PXYLP1: variants seen among roughly 807,000 people sequenced by gnomAD.
The protein encoded by PXYLP1 is 2-phosphoxylose phosphatase 1, also known as acid phosphatase-like 2.
PXYLP1 carries 17 observed loss-of-function variants against 37.9 expected under a neutral mutation model. The observed-to-expected ratio is 0.45, with a 90% CI of 0.31 to 0.67. The LOEUF (loss-of-function observed/expected upper bound fraction) is 0.67. PXYLP1 is among the 30% of genes least tolerant of loss of function. PXYLP1 has a pLI of 0.07. For synonymous variants in PXYLP1, 221 were observed against 232.2 expected (o/e 0.95, Z 0.44); for missense variants, 511 against 612.0 (o/e 0.84, Z 1.74).
At chr3:141,260,288 G>A (rs768564838) in intron 2 of PXYLP1, 34 bp downstream of exon 2, 1 of 1,606,384 alleles carries the variant, frequency 6.2e-7, no homozygotes, top group Non-Finnish European at 8.5e-7. Context: ...GTCGTGGGAG[G>A]GTAGGGGCTT....
At chr3:141,274,425 T>C in intron 2 of PXYLP1, 1 of 1,463,246 alleles carries the variant, frequency 6.8e-7, no homozygotes, top group Non-Finnish European at 9.0e-7. Context: ...TTTCACGGCC[T>C]CCCCTCTGCT....
chr3:141,266,643 CAG>C (rs745534413), intron 2 of PXYLP1, among the ~76,000 whole-genome samples: 232 of 115,504 alleles, frequency 2.0e-3, no homozygotes, highest in Non-Finnish European at 1.4e-3. Context: ...GAGGGAGAGA[CAG>C]AGGGAGAGAG....
chr3:141,274,438 T>C (rs1941742270), intron 2 of PXYLP1: 1 of 1,481,378 alleles, frequency 6.8e-7, no homozygotes, highest in Non-Finnish European at 8.9e-7. Flanking sequence ...CCTCTGCTCC[T>C]CTCCTCTTCC....
chr3:141,236,015 GGAA>G (rs1940650081), intron 1 of PXYLP1, among the ~76,000 whole-genome samples: 1 of 152,202 alleles, frequency 6.6e-6, no homozygotes, highest in Non-Finnish European at 1.5e-5. Context: ...AAAAAGGCAT[GGAA>G]GAAGAACTGG....
chr3:141,290,222 G>C (rs1942168647), intron 5 of PXYLP1, among the ~76,000 whole-genome samples: 1 of 152,204 alleles, frequency 6.6e-6, no homozygotes, highest in African/African-American at 2.4e-5. Context: ...CCTCCTGCCT[G>C]TCCTAAAGAA....
At chr3:141,253,773 C>T (rs1559883673) in intron 1 of PXYLP1, among the ~76,000 whole-genome samples, 1 of 151,128 alleles carries the variant, frequency 6.6e-6, no homozygotes, top group African/African-American at 2.4e-5. Flanking sequence ...GATCTGTCAC[C>T]CTGCTTCAAC....
At chr3:141,273,957 G>C (rs547618810) in intron 2 of PXYLP1, 1 of 985,456 alleles carries the variant, frequency 1.0e-6, no homozygotes, top group Non-Finnish European at 1.2e-6. Flanking sequence ...AATGAAACTC[G>C]TTATCCTTCC....
rs79610580 is a variant in PXYLP1, at chr3:141,257,758, C to T, written c.-53-2365C>T. ...CTCTACTAAAAGTACAAAAATTAGTCGGGTGTGTGGTGGCAGCCACCTGTA... is the reference window on the plus strand; with the variant it reads ...CTCTACTAAAAGTACAAAAATTAGTTGGGTGTGTGGTGGCAGCCACCTGTA... On this transcript the variant is annotated intron_variant, in intron 1 of 5. Transcript: ENST00000286353. Among the ~76,000 whole-genome samples the T allele has an allele frequency of 7.4e-3, 1,118 of 151,918 alleles. 18 individuals are homozygous for T. Among genetic ancestry groups the T allele is most frequent in the African/African-American group, 0.026 (1,068 of 41,422 alleles).
intron 1 of PXYLP1, among the ~76,000 whole-genome samples, chr3:141,239,031 C>G (rs1361203920): frequency 6.7e-6 from 1 of 149,188 alleles, no homozygotes; most frequent in Non-Finnish European, 1.5e-5. Context: ...AAGGGTAGAC[C>G]TATGTCCTGG....
Position 141,293,016 on chromosome 3 carries a change from C to T in PXYLP1, c.1254C>T (p.Ser418=), listed in dbSNP as rs779520002. The T allele has an allele frequency of 5.6e-6, 9 of 1,614,064 alleles. No homozygotes were observed. The highest frequency in any genetic ancestry group is 3.3e-5 in the Admixed American group (2 of 60,000). ...ACAGAGAAAAGCCCAGTGAACATTC[C>T]GTCCGGATTCTTTACAATGGCGTCG... ...WQDREKPSEH[S]VRILYNGVDV... Residue 418 remains serine (S), a synonymous_variant, in exon 6 of 6, where the codon TCC becomes TCT. Coordinates refer to ENST00000286353, the MANE Select transcript of PXYLP1 (RefSeq NM_001037172.3).
intron 4 of PXYLP1, 93 bp from the exon 5 acceptor site, chr3:141,287,221 G>T (rs1942097106): frequency 7.2e-7 from 1 of 1,396,984 alleles, no homozygotes; most frequent in Admixed American, 1.9e-5. Context: ...GCAAAAGGCT[G>T]CGATACACGT....
intron 1 of PXYLP1, chr3:141,234,863 A>G (rs1940622421): frequency 6.6e-6 from 1 of 152,192 alleles, no homozygotes; most frequent in Admixed American, 6.5e-5. Context: ...TATCTTTCTT[A>G]CCCAGATTGT....
chr3:141,287,508 T>G, intron 5 of PXYLP1, 55 bp downstream of exon 5: 1 of 1,586,824 alleles, frequency 6.3e-7, no homozygotes. Context: ...TCTGCTTGCA[T>G]ACCTTCCGAG....
intron 1 of PXYLP1, among the ~76,000 whole-genome samples, chr3:141,240,644 ACT>A (rs377646164): frequency 3.9e-5 from 6 of 152,250 alleles, no homozygotes; most frequent in African/African-American, 1.4e-4. Context: ...TCTCTGCTAC[ACT>A]GTCTGCCCCC....
chr3:141,282,165 C>T (rs1176658504), intron 4 of PXYLP1, among the ~76,000 whole-genome samples: 1 of 152,120 alleles, frequency 6.6e-6, no homozygotes, highest in Non-Finnish European at 1.5e-5. Flanking sequence ...ACCTTGCCCT[C>T]CACTCTCCTC....
chr3:141,279,258 C>A, intron 3 of PXYLP1, 120 bp from the exon 4 acceptor site: 2 of 1,299,702 alleles, frequency 1.5e-6, no homozygotes, highest in Non-Finnish European at 2.1e-6. Context: ...CCCACGGTGG[C>A]CCCTGCTGCC....
At chr3:141,253,102 C>T (rs1255173512) in intron 1 of PXYLP1, among the ~76,000 whole-genome samples, 1 of 151,852 alleles carries the variant, frequency 6.6e-6, no homozygotes. Flanking sequence ...CAATCAGACC[C>T]CTCTTCCCGC....
At chr3:141,245,045 C>CTT (rs10546747) in intron 1 of PXYLP1, among the ~76,000 whole-genome samples, 2,203 of 105,940 alleles carry the variant, frequency 0.021, 73 homozygotes, top group African/African-American at 0.038. Flanking sequence ...CACTAACTCC[C>CTT]TTTTTTTTTT....
chr3:141,278,412 C>T lies in PXYLP1; in HGVS notation c.150C>T (p.Asp50=), dbSNP rs1433215452. The T allele has an allele frequency of 6.2e-7, 1 of 1,614,198 alleles. No individual in the cohort carries two copies. The highest frequency in any genetic ancestry group is 1.1e-5 in the South Asian group (1 of 91,080). ...AGAGTCGAAAGAGAATCATGCCCGA[C>T]CCTGTGACGGAGCCCCCTGTGACAG... ...SSKSRKRIMP[D]PVTEPPVTDP... The change falls in exon 3 of 6, where the codon GAC becomes GAT. Residue 50 remains aspartate (D), a synonymous_variant. Coordinates refer to ENST00000286353, the MANE Select transcript of PXYLP1 (RefSeq NM_001037172.3).
Sources: allele counts gnomAD v4.1 joint callset (sites outside exome capture counted in the v4.1 genomes callset), GRCh38; gene constraint gnomAD v4.1.1; transcripts MANE v1.5; gene names NCBI Gene and HGNC (gene_info 2026-07-23, HGNC 2026-07-21).